Variants in WIPF3 observed in about 807,000 individuals in gnomAD.
WIPF3 encodes WAS/WASL interacting protein family member 3, also known as WAS/WASL-interacting protein family member 3.
In WIPF3, 33 loss-of-function variants were observed where a neutral mutation model predicts 38.9. That is an observed-to-expected ratio of 0.85 (90% CI 0.64 to 1.14). WIPF3 has a LOEUF of 1.14. WIPF3 is among the 50% of genes most tolerant of loss of function. The pLI is 0.00. For synonymous variants in WIPF3, 324 were observed against 269.3 expected (o/e 1.20, Z -1.99); for missense variants, 711 against 652.5 (o/e 1.09, Z -0.98).
intron 8 of WIPF3, among the ~76,000 whole-genome samples, chr7:29,910,406 A>G (rs1210590047): frequency 6.6e-6 from 1 of 152,166 alleles, no homozygotes; most frequent in African/African-American, 2.4e-5. Context: ...AGAGGAGGGA[A>G]CGCTTTTTAT....
intron 8 of WIPF3, among the ~76,000 whole-genome samples, chr7:29,911,326 A>T (rs542836280): frequency 6.6e-6 from 1 of 152,200 alleles, no homozygotes; most frequent in Non-Finnish European, 1.5e-5. Context: ...TAAGATGTCA[A>T]TACTACCCAA....
intron 2 of WIPF3, among the ~76,000 whole-genome samples, chr7:29,865,897 G>A (rs1016539160): frequency 1.7e-4 from 26 of 152,168 alleles, no homozygotes; most frequent in Admixed American, 9.8e-4. Flanking sequence ...GGTGGCTCAC[G>A]TCTGTAATCC....
At chr7:29,904,584 A>G in intron 8 of WIPF3, 1 of 527,986 alleles carries the variant, frequency 1.9e-6, no homozygotes, top group Non-Finnish European at 3.4e-6. Flanking sequence ...AATCACCACT[A>G]CATATAGAAG....
rs1374650911 is a variant in WIPF3 at position 29,878,398 on chromosome 7, A to G, written c.224-611A>G. 6.6e-6 allele frequency among the ~76,000 whole-genome samples: 1 copy of G among 152,108 alleles called. No homozygotes were observed. Among genetic ancestry groups the G allele is most frequent in the African/African-American group, 2.4e-5 (1 of 41,412 alleles). ...TAATCACACATGTCTGGAAGGCTGG[A>G]GTTAGTGACACCTTTCCTCAGGGGC... On this transcript the variant is annotated intron_variant, in intron 3 of 8. Coordinates refer to ENST00000242140, the MANE Select transcript of WIPF3 (RefSeq NM_001080529.3). The surrounding 1 kb of genome is among the most constrained non-coding windows in gnomAD (Gnocchi z 4.0).
chr7:29,859,333 C>G (rs937766171), intron 2 of WIPF3, among the ~76,000 whole-genome samples: 4 of 152,128 alleles, frequency 2.6e-5, no homozygotes, highest in African/African-American at 7.2e-5. Flanking sequence ...CATTCCATGT[C>G]GGGAAGATCA....
intron 1 of WIPF3, among the ~76,000 whole-genome samples, chr7:29,818,714 T>C (rs1784494381): frequency 6.6e-6 from 1 of 152,028 alleles, no homozygotes; most frequent in Non-Finnish European, 1.5e-5. Context: ...TCTAATTGAA[T>C]TGACTACTAG....
At chr7:29,840,821 A>G (rs774979694) in intron 2 of WIPF3, among the ~76,000 whole-genome samples, 4 of 152,094 alleles carry the variant, frequency 2.6e-5, no homozygotes, top group Non-Finnish European at 4.4e-5. Flanking sequence ...TGAATATACT[A>G]AAAAGAAACA....
intron 4 of WIPF3, among the ~76,000 whole-genome samples, chr7:29,879,956 A>C (rs1166315912): frequency 6.6e-6 from 1 of 152,234 alleles, no homozygotes; most frequent in African/African-American, 2.4e-5. Flanking sequence ...AGTCACAAGG[A>C]TGGGGAAATA....
intron 8 of WIPF3, 142 bp downstream of exon 8, chr7:29,904,504 C>A (rs997967011): frequency 2.6e-6 from 2 of 755,372 alleles, no homozygotes; most frequent in South Asian, 1.8e-5. Context: ...TTTGGTGGAC[C>A]TTTTTTCAAG....
intron 1 of WIPF3, among the ~76,000 whole-genome samples, chr7:29,807,667 A>G (rs980729553): frequency 6.6e-6 from 1 of 152,232 alleles, no homozygotes; most frequent in Admixed American, 6.5e-5. Context: ...GAGCGGTTCC[A>G]TGCGCCCTGG....
chr7:29,826,140 A>G (rs1398809749), intron 1 of WIPF3, among the ~76,000 whole-genome samples: 2 of 152,186 alleles, frequency 1.3e-5, no homozygotes, highest in Non-Finnish European at 2.9e-5. Context: ...GAATGCTTTC[A>G]TCATCCTAGA....
intron 4 of WIPF3, 66 bp from the exon 5 acceptor site, chr7:29,883,784 C>G: frequency 6.7e-7 from 1 of 1,500,140 alleles, no homozygotes; most frequent in Non-Finnish European, 8.9e-7. Context: ...TCCTGAGTGC[C>G]GCCTACCTGC....
chr7:29,807,901 G>T (rs535507584), intron 1 of WIPF3, among the ~76,000 whole-genome samples: 2 of 152,280 alleles, frequency 1.3e-5, no homozygotes, highest in African/African-American at 4.8e-5. Flanking sequence ...GGAGGACTGG[G>T]AGTGCACTTC....
chr7:29,880,824 G>T (rs114344336), intron 4 of WIPF3, among the ~76,000 whole-genome samples: 1 of 152,290 alleles, frequency 6.6e-6, no homozygotes, highest in African/African-American at 2.4e-5. Context: ...CATGGACTGG[G>T]TACCATGTCA....
intron 5 of WIPF3, among the ~76,000 whole-genome samples, chr7:29,885,616 G>C (rs1389008658): frequency 6.6e-6 from 1 of 152,152 alleles, no homozygotes; most frequent in Non-Finnish European, 1.5e-5. Flanking sequence ...TTCTAGGCCA[G>C]CCTGGGTAAC....
chr7:29,906,609 A>G (rs904577078), intron 8 of WIPF3, among the ~76,000 whole-genome samples: 3 of 152,208 alleles, frequency 2.0e-5, no homozygotes, highest in Non-Finnish European at 4.4e-5. Context: ...AAAGGGTAAA[A>G]AAGACTCTCT....
intron 1 of WIPF3, among the ~76,000 whole-genome samples, chr7:29,822,123 G>GTTTTTTTTTTTTTTTTTTTTTTTTTT: frequency 3.2e-5 from 2 of 62,880 alleles, no homozygotes; most frequent in Non-Finnish European, 5.8e-5. Context: ...TTTTTTCTTA[G>GTTTTTTTTTTTTTTTTTTTTTTTTTT]TTTTTTTTTT....
At chr7:29,912,746 A>G (rs549862415) in intron 8 of WIPF3, 1 of 152,680 alleles carries the variant, frequency 6.5e-6, no homozygotes, top group Non-Finnish European at 1.5e-5. Flanking sequence ...CAGCTTAAAA[A>G]GTAGGAAGTT....
At chr7:29,825,737 C>T (rs187962441) in intron 1 of WIPF3, among the ~76,000 whole-genome samples, 3 of 152,252 alleles carry the variant, frequency 2.0e-5, no homozygotes, top group Admixed American at 6.5e-5. Flanking sequence ...CAATAAGAGT[C>T]CTATAAAAGA....
Sources: gnomAD v4.1 joint callset for allele counts (sites outside exome capture counted in the v4.1 genomes callset) on GRCh38, gnomAD v4.1.1 for gene constraint, Gnocchi (gnomAD v3.1) non-coding constraint, MANE v1.5 for transcripts, NCBI Gene and HGNC (gene_info 2026-07-23, HGNC 2026-07-21) for gene names.